SAMD4A: variants seen among roughly 807,000 people sequenced by gnomAD.
SAMD4A encodes the protein protein Smaug homolog 1.
A neutral mutation model predicts 81.3 loss-of-function variants in SAMD4A; 33 were observed. The ratio of observed to expected loss-of-function variants is 0.41; its 90% CI spans 0.31 to 0.54. The LOEUF (loss-of-function observed/expected upper bound fraction) is 0.54. SAMD4A is among the 20% of genes least tolerant of loss of function. The pLI is 0.37. For missense variants in SAMD4A, 854 were observed against 951.1 expected (o/e 0.90, Z 1.34); for synonymous variants, 389 against 382.1 (o/e 1.02, Z -0.21).
intron 8 of SAMD4A, among the ~76,000 whole-genome samples, chr14:54,768,241 A>G (rs987876344): frequency 1.3e-5 from 2 of 152,042 alleles, no homozygotes; most frequent in Admixed American, 6.6e-5. Flanking sequence ...GTATACCACC[A>G]CCAAACGGCC....
chr14:54,569,019 G>T (rs1428616472), intron 2 of SAMD4A, among the ~76,000 whole-genome samples: 1 of 151,998 alleles, frequency 6.6e-6, no homozygotes, highest in Non-Finnish European at 1.5e-5. Context: ...GTAGGAGGAG[G>T]CTGGGGGATG....
At chr14:54,582,428 C>T (rs192887401) in intron 2 of SAMD4A, among the ~76,000 whole-genome samples, 3 of 152,116 alleles carry the variant, frequency 2.0e-5, no homozygotes, top group Admixed American at 6.5e-5. Flanking sequence ...TATGTTTGTG[C>T]GAGGACAAAG....
At chr14:54,760,529 GGATA>G in intron 7 of SAMD4A, 35 bp downstream of exon 7, 1 of 1,381,600 alleles carries the variant, frequency 7.2e-7, no homozygotes, top group Non-Finnish European at 9.3e-7. Flanking sequence ...TTTTTCTTCT[GGATA>G]CCACTAACCA....
intron 3 of SAMD4A, among the ~76,000 whole-genome samples, chr14:54,719,831 G>C (rs2037216837): frequency 6.6e-6 from 1 of 152,184 alleles, no homozygotes; most frequent in Admixed American, 6.5e-5. Context: ...TTTACATACA[G>C]TCTTTTTCTT....
chr14:54,629,154 G>C (rs748164128), intron 2 of SAMD4A, among the ~76,000 whole-genome samples: 1 of 152,098 alleles, frequency 6.6e-6, no homozygotes, highest in Non-Finnish European at 1.5e-5. Flanking sequence ...AGAGCACCAG[G>C]TATTAATAAT....
intron 2 of SAMD4A, among the ~76,000 whole-genome samples, chr14:54,659,725 C>A (rs1373452031): frequency 2.0e-5 from 3 of 152,068 alleles, no homozygotes; most frequent in Non-Finnish European, 4.4e-5. Flanking sequence ...GCCAAGGAGC[C>A]CAGCTGTTGG....
chr14:54,779,180 A>G (rs1396201301), intron 11 of SAMD4A, among the ~76,000 whole-genome samples: 1 of 152,210 alleles, frequency 6.6e-6, no homozygotes, highest in Non-Finnish European at 1.5e-5. Context: ...CTGGTTCGCT[A>G]TGGAGACTTC....
intron 7 of SAMD4A, among the ~76,000 whole-genome samples, chr14:54,762,858 C>CACT (rs2038438307): frequency 7.0e-6 from 1 of 142,312 alleles, no homozygotes; most frequent in African/African-American, 2.6e-5. Context: ...TGAATATTCA[C>CACT]TTTTTTTTTT....
intron 2 of SAMD4A, among the ~76,000 whole-genome samples, chr14:54,690,658 A>G (rs1054951580): frequency 2.6e-5 from 4 of 152,220 alleles, no homozygotes; most frequent in Non-Finnish European, 5.9e-5. Flanking sequence ...CACAAATGTC[A>G]TTGAAAAGGA....
intron 3 of SAMD4A, among the ~76,000 whole-genome samples, chr14:54,707,158 C>G (rs751642660): frequency 7.1e-5 from 10 of 141,800 alleles, no homozygotes; most frequent in Non-Finnish European, 1.4e-4. Context: ...GGCTGGAGTA[C>G]AGTAGTGTGA....
In SAMD4A at chr14:54,567,770, C is replaced by A; in HGVS notation, c.-147C>A. On this transcript the variant is annotated 5_prime_UTR_variant, in exon 2 of 13. Coordinates refer to ENST00000554335, the MANE Select transcript of SAMD4A (RefSeq NM_015589.6). ...CAGACAAGAGAGGCAGGAGCCCAGG[C>A]AGTACCTGCAGCGTCCGGGCACCAG... 1 of 711,908 alleles carries A rather than the reference C, an allele frequency of 1.4e-6. No homozygotes were observed. Among genetic ancestry groups the A allele is most frequent in the African/African-American group, 1.9e-5 (1 of 53,372 alleles). The allele number at this position is 711,908 out of a possible 1,614,324, so 44.1% of individuals were successfully genotyped here.
chr14:54,677,342 GT>G (rs1218189692), intron 2 of SAMD4A, among the ~76,000 whole-genome samples: 4 of 152,150 alleles, frequency 2.6e-5, no homozygotes, highest in Non-Finnish European at 5.9e-5. Context: ...GAATATTTCT[GT>G]TTTAAAAGAA....
intron 3 of SAMD4A, among the ~76,000 whole-genome samples, chr14:54,719,718 G>A (rs2037213638): frequency 6.6e-6 from 1 of 152,156 alleles, no homozygotes; most frequent in African/African-American, 2.4e-5. Flanking sequence ...TACTACCTGT[G>A]TGACCTTGGA....
intron 9 of SAMD4A, among the ~76,000 whole-genome samples, chr14:54,774,171 G>C (rs2038776397): frequency 6.6e-6 from 1 of 152,248 alleles, no homozygotes; most frequent in Non-Finnish European, 1.5e-5. Flanking sequence ...AACCTGCTGA[G>C]CCTGCGTGCC....
chr14:54,603,991 A>G (rs1414269595), intron 2 of SAMD4A, among the ~76,000 whole-genome samples: 1 of 151,736 alleles, frequency 6.6e-6, no homozygotes, highest in Non-Finnish European at 1.5e-5. Flanking sequence ...TGCCCGGCTA[A>G]TTTTTGTATT....
chr14:54,688,763 C>G lies in SAMD4A; in HGVS notation c.197-13299C>G, dbSNP rs146717084. On this transcript the variant is annotated intron_variant, in intron 2 of 12. Coordinates refer to ENST00000554335, the MANE Select transcript of SAMD4A (RefSeq NM_015589.6). ...TTTCTCCTGGTAAGAAATCATGGTTCCCACCTGGTTTCACATCAGCCTTAC... is the reference window on the plus strand; with the variant it reads ...TTTCTCCTGGTAAGAAATCATGGTTGCCACCTGGTTTCACATCAGCCTTAC... 3.3e-3 allele frequency among the ~76,000 whole-genome samples: 506 copies of G among 152,212 alleles called. 3 individuals are homozygous for G. Among genetic ancestry groups the G allele is most frequent in the African/African-American group, 0.012 (489 of 41,528 alleles).
intron 2 of SAMD4A, among the ~76,000 whole-genome samples, chr14:54,637,377 AAAAAAAAAAAG>A (rs1170142407): frequency 6.6e-6 from 1 of 150,512 alleles, no homozygotes; most frequent in Admixed American, 6.6e-5. Flanking sequence ...AAAAAAAAAA[AAAAAAAAAAAG>A]AGGCAAGAAG....
intron 7 of SAMD4A, among the ~76,000 whole-genome samples, chr14:54,763,486 C>T (rs976475444): frequency 1.3e-5 from 2 of 151,894 alleles, no homozygotes; most frequent in African/African-American, 2.4e-5. Flanking sequence ...TAACAAAGTC[C>T]CAATTAATAG....
intron 2 of SAMD4A, among the ~76,000 whole-genome samples, chr14:54,657,868 G>A (rs2035555888): frequency 6.6e-6 from 1 of 152,192 alleles, no homozygotes; most frequent in South Asian, 2.1e-4. Flanking sequence ...ACTTGTTTGT[G>A]AGATCCCATC....
Sources: gnomAD v4.1 joint callset for allele counts (sites outside exome capture counted in the v4.1 genomes callset) on GRCh38, gnomAD v4.1.1 for gene constraint, MANE v1.5 for transcripts, NCBI Gene and HGNC (gene_info 2026-07-23, HGNC 2026-07-21) for gene names.